Variants in SREK1 observed in about 807,000 individuals in gnomAD.
SREK1 encodes the protein splicing regulatory glutamine/lysine-rich protein 1.
SREK1 carries 13 observed loss-of-function variants against 66.5 expected under a neutral mutation model. The ratio of observed to expected loss-of-function variants is 0.20; its 90% CI spans 0.13 to 0.31. SREK1 has a LOEUF of 0.31. Ranked by LOEUF, SREK1 falls within the 10% of genes least tolerant of loss-of-function variation. The pLI is 1.00. For synonymous variants in SREK1, 265 were observed against 263.5 expected (o/e 1.01, Z -0.05); for missense variants, 607 against 769.6 (o/e 0.79, Z 2.50).
intron 1 of SREK1, chr5:66,145,237 C>G (rs1332714793): frequency 2.2e-6 from 2 of 894,548 alleles, no homozygotes; most frequent in Non-Finnish European, 2.7e-6. Flanking sequence ...CAGATCTTGG[C>G]TGGCATTCAC....
chr5:66,165,211 T>C (rs558691643), intron 7 of SREK1: 33 of 183,612 alleles, frequency 1.8e-4, no homozygotes, highest in Admixed American at 3.4e-4. Context: ...GCTGTTTTCA[T>C]TCTTCATATT....
Position 66,178,864 on chromosome 5 carries a change from T to C in SREK1, c.1871T>C (p.Val624Ala). 6.2e-7 allele frequency: 1 copy of C among 1,610,136 alleles called. No individual in the cohort carries two copies. The highest frequency in any genetic ancestry group is 8.5e-7 in the Non-Finnish European group (1 of 1,177,686). Residue 624 changes from valine to alanine, a missense_variant, in exon 12 of 12, where the codon GTA becomes GCA. Coordinates refer to ENST00000334121, the MANE Select transcript of SREK1 (RefSeq NM_001077199.3). ...AACCTCTCTACCAAAACAGAAGCAG[T>C]ATAGGACCGACAAGTGTACCTCTGC... ...EENLSTKTEA[V>A]
At chr5:66,156,840 G>C in intron 2 of SREK1, 2 of 985,284 alleles carry the variant, frequency 2.0e-6, no homozygotes, top group Non-Finnish European at 2.4e-6. Flanking sequence ...TTGTTAGCTT[G>C]AATTTTTTGT....
At chr5:66,145,167 A>G (rs772978537) in intron 1 of SREK1, 63 of 985,374 alleles carry the variant, frequency 6.4e-5, no homozygotes, top group Non-Finnish European at 7.5e-5. Context: ...CACTGTCCCA[A>G]AGCTTTCAGA....
intron 3 of SREK1, among the ~76,000 whole-genome samples, chr5:66,159,562 C>T (rs1744564493): frequency 6.6e-6 from 1 of 151,472 alleles, no homozygotes; most frequent in Non-Finnish European, 1.5e-5. Flanking sequence ...TTGAGAACCC[C>T]AATAGATTAT....
At position 66,181,526 on chromosome 5, in the gene SREK1, A is replaced by G. The variant is rs757709579; in HGVS notation, c.*2658A>G. On this transcript the variant is annotated 3_prime_UTR_variant, in exon 12 of 12. Coordinates refer to ENST00000334121, the MANE Select transcript of SREK1 (RefSeq NM_001077199.3). Reference sequence around the variant, plus strand: ...CATACTTTCTGTAATTATCTTTTGTAGCTTGATTACATAGAGTACCCTCTC... The same window carrying G: ...CATACTTTCTGTAATTATCTTTTGTGGCTTGATTACATAGAGTACCCTCTC... 7.9e-5 allele frequency: 12 copies of G among 152,132 alleles called. No individual in the cohort carries two copies. The highest frequency in any genetic ancestry group is 1.7e-4 in the African/African-American group (7 of 41,434). The allele number at this position is 152,132 out of a possible 1,614,324, so 9.4% of individuals were successfully genotyped here.
chr5:66,159,299 T>C lies in SREK1; in HGVS notation c.376T>C (p.Leu126=). ...GACAAGTCTGATGCCTGGTGCAGGA[T>C]TGCTTCCAATACCGACCCCAAATCC... ...TMTSLMPGAG[L]LPIPTPNPLT... The change falls in exon 3 of 12, where the codon TTG becomes CTG. Residue 126 remains leucine, a synonymous_variant. Coordinates refer to ENST00000334121, the MANE Select transcript of SREK1 (RefSeq NM_001077199.3). The C allele has an allele frequency of 6.2e-7, 1 of 1,613,458 alleles. No individual in the cohort carries two copies. Among genetic ancestry groups the C allele is most frequent in the Non-Finnish European group, 8.5e-7 (1 of 1,179,696 alleles).
At chr5:66,168,558 C>T (rs1745360006) in intron 7 of SREK1, 1 of 151,948 alleles carries the variant, frequency 6.6e-6, no homozygotes, top group East Asian at 1.9e-4. Context: ...AGACGGGTTT[C>T]ACTATGTTTG....
chr5:66,152,156 A>G (rs1239005852), intron 1 of SREK1, among the ~76,000 whole-genome samples: 2 of 152,146 alleles, frequency 1.3e-5, no homozygotes, highest in Admixed American at 1.3e-4. Flanking sequence ...CCGGCGGTAC[A>G]TCTTTTATTT....
In SREK1 at chr5:66,177,653, C is replaced by T. The variant is rs74794265; in HGVS notation, c.1720C>T (p.Leu574Phe). ...GAAGTTGGAGAAGAACAGTACTTCA[C>T]TTAAAGTAAGCAGCAGTCATTCGGT... The part of the protein sequence containing the change: ...KEKLEKNSTS[L>F]KEKEHNKEPD... The change falls in exon 11 of 12, where the codon CTT becomes TTT. Residue 574 changes from leucine (L) to phenylalanine (F), a missense_variant. Transcript: ENST00000334121. The T allele has an allele frequency of 6.7e-4, 1,073 of 1,594,098 alleles. 6 individuals are homozygous for T. The East Asian group carries it at 0.018, about 26-fold the overall frequency.
chr5:66,170,359 A>T (rs1280553567), intron 8 of SREK1, among the ~76,000 whole-genome samples, 189 bp downstream of exon 8: 2 of 152,184 alleles, frequency 1.3e-5, no homozygotes, highest in Non-Finnish European at 2.9e-5. Context: ...TCTGAATCTG[A>T]TGTCAGTGTG....
chr5:66,160,767 AT>A (rs34337206), intron 3 of SREK1, among the ~76,000 whole-genome samples: 8,951 of 152,294 alleles, frequency 0.059, 373 homozygotes, highest in Middle Eastern at 0.11. Flanking sequence ...AGTTGTTAAA[AT>A]CTTAGTTCTG....
Position 66,178,929 on chromosome 5 carries a change from C to G in SREK1, c.*61C>G, listed in dbSNP as rs1270111649. The G allele has an allele frequency of 6.9e-7, 1 of 1,458,062 alleles. No homozygotes were observed. Among genetic ancestry groups the G allele is most frequent in the Non-Finnish European group, 9.1e-7 (1 of 1,094,132 alleles). 90.3% of individuals were successfully genotyped at this position (1,458,062 alleles called of 1,614,324 possible). On this transcript the variant is annotated 3_prime_UTR_variant, in exon 12 of 12. Coordinates refer to ENST00000334121, the MANE Select transcript of SREK1 (RefSeq NM_001077199.3). ...TCAAATCCAAAGCTTTTAATTCTCTCAACAAGATGTAAACAGGAAAGAAAT... is the reference window on the plus strand; with the variant it reads ...TCAAATCCAAAGCTTTTAATTCTCTGAACAAGATGTAAACAGGAAAGAAAT...
chr5:66,144,564 G>GGGGCGC, intron 1 of SREK1, 27 bp downstream of exon 1: 2 of 1,538,210 alleles, frequency 1.3e-6, no homozygotes, highest in Non-Finnish European at 1.8e-6. Context: ...GGCTGGGGGA[G>GGGGCGC]GGGCGCGGGC....
At chr5:66,157,526 CAG>C (rs1221292786) in intron 2 of SREK1, 2 of 983,404 alleles carry the variant, frequency 2.0e-6, no homozygotes, top group African/African-American at 3.5e-5. Flanking sequence ...CAATTTATAA[CAG>C]ATAAAACAGG....
chr5:66,160,703 G>C (rs1288094837), intron 3 of SREK1, among the ~76,000 whole-genome samples: 1 of 152,146 alleles, frequency 6.6e-6, no homozygotes, highest in African/African-American at 2.4e-5. Context: ...TGTGATAAGT[G>C]ACATTGATTT....
intron 9 of SREK1, among the ~76,000 whole-genome samples, chr5:66,174,140 G>A (rs1033230481): frequency 1.4e-5 from 2 of 148,130 alleles, no homozygotes; most frequent in Admixed American, 6.6e-5. Context: ...AGATCATTGG[G>A]TATGTCCTCG....
Position 66,182,348 on chromosome 5 carries a change from T to C in SREK1, c.*3480T>C, listed in dbSNP as rs1746568370. 6.6e-6 allele frequency: 1 copy of C among 152,228 alleles called. No individual in the cohort carries two copies. Among genetic ancestry groups the C allele is most frequent in the South Asian group, 2.1e-4 (1 of 4,834 alleles). The allele number at this position is 152,228 out of a possible 1,614,324, so 9.4% of individuals were successfully genotyped here. ...ATATTATTTTCTCATGTTTATTTAC[T>C]AATGTAATTTTCACTTAAAATTAGA... On this transcript the variant is annotated 3_prime_UTR_variant, in exon 12 of 12. Transcript: ENST00000334121.
chr5:66,149,950 T>G (rs1405633016), intron 1 of SREK1, among the ~76,000 whole-genome samples: 3 of 152,250 alleles, frequency 2.0e-5, no homozygotes, highest in South Asian at 2.1e-4. Flanking sequence ...ACTATCTGCT[T>G]CTTTCTCTGC....
Sources: gnomAD v4.1 joint callset for allele counts (sites outside exome capture counted in the v4.1 genomes callset) on GRCh38, gnomAD v4.1.1 for gene constraint, MANE v1.5 for transcripts, NCBI Gene and HGNC (gene_info 2026-07-23, HGNC 2026-07-21) for gene names.